Variants in TRPM7 observed in about 807,000 individuals in gnomAD.
The protein encoded by TRPM7 is transient receptor potential cation channel subfamily M member 7, also known as LTRPC ion channel family member 7.
Under a neutral mutation model 229.7 loss-of-function variants are expected in TRPM7, and 134 were observed. That is an observed-to-expected ratio of 0.58 (90% CI 0.51 to 0.67). The LOEUF (loss-of-function observed/expected upper bound fraction) is 0.67. Ranked by LOEUF, TRPM7 falls within the 30% of genes least tolerant of loss-of-function variation. TRPM7 has a pLI of 0.00. For synonymous variants in TRPM7, 699 were observed against 715.2 expected (o/e 0.98, Z 0.36); for missense variants, 1,901 against 2,210.0 (o/e 0.86, Z 2.80).
intron 22 of TRPM7, among the ~76,000 whole-genome samples, chr15:50,598,678 C>G (rs1324817723): frequency 6.6e-6 from 1 of 152,172 alleles, no homozygotes; most frequent in African/African-American, 2.4e-5. Flanking sequence ...AAGGGAATTT[C>G]TATGAAAGGG....
intron 29 of TRPM7, among the ~76,000 whole-genome samples, chr15:50,581,390 T>C (rs992802031): frequency 1.3e-5 from 2 of 151,902 alleles, no homozygotes; most frequent in South Asian, 2.1e-4. Flanking sequence ...TCCCAGCTAC[T>C]TGGGAGGCTG....
At chr15:50,664,040 G>A (rs562833297) in intron 1 of TRPM7, among the ~76,000 whole-genome samples, 93 of 152,136 alleles carry the variant, frequency 6.1e-4, no homozygotes, top group African/African-American at 2.2e-3. Flanking sequence ...TGGCTCACAC[G>A]TATAATCCCA....
In TRPM7 at chr15:50,594,591, C is replaced by A; in HGVS notation, c.3313G>T (p.Ala1105Ser). 6.2e-7 allele frequency: 1 copy of A among 1,601,246 alleles called. No individual in the cohort carries two copies. The highest frequency in any genetic ancestry group is 8.5e-7 in the Non-Finnish European group (1 of 1,175,414). Residue 1105 changes from alanine (A) to serine (S), a missense_variant, in exon 24 of 39, where the codon GCA becomes TCA. Ala to Ser is a moderately conservative substitution (Grantham distance 99, BLOSUM62 1). Transcript: ENST00000646667. ...TACTTCCATACAATATTGGAAATTG[C>A]CTTCACTTGTAAATACACATTGCTA... is the stretch of plus-strand genomic sequence containing the variant. ...FFNNVYLQVK[A>S]ISNIVWKYQR...
rs146947863 is a variant in TRPM7 at position 50,635,746 on chromosome 15, G to A, written c.833-1190C>T. On this transcript the variant is annotated intron_variant, in intron 7 of 38. Coordinates refer to ENST00000646667, the MANE Select transcript of TRPM7 (RefSeq NM_017672.6). ...TGTAATTGCAGTACTTCAGGAGGCC[G>A]AGGCCGGCGATCACGAGGTCAGGAG... Among the ~76,000 whole-genome samples the A allele has an allele frequency of 1.9e-3, 287 of 147,708 alleles. 2 individuals are homozygous for A. The highest frequency in any genetic ancestry group is 6.6e-3 in the African/African-American group (264 of 39,854).
At chr15:50,616,312 T>C (rs1244195784) in intron 13 of TRPM7, among the ~76,000 whole-genome samples, 6 of 152,200 alleles carry the variant, frequency 3.9e-5, no homozygotes, top group African/African-American at 1.4e-4. Flanking sequence ...GGCTTATTAT[T>C]ATAGCCACCG....
chr15:50,566,381 T>C (rs951698074), intron 38 of TRPM7, among the ~76,000 whole-genome samples: 1 of 152,162 alleles, frequency 6.6e-6, no homozygotes, highest in African/African-American at 2.4e-5. Context: ...GGGAAAATTA[T>C]AGCACTCAAT....
chr15:50,582,780 T>TGTCTTGTCA lies in TRPM7; in HGVS notation c.4557+308_4557+309insTGACAAGAC, dbSNP rs567821219. On this transcript the variant is annotated intron_variant, in intron 29 of 38. Transcript: ENST00000646667. ...TTTCCTGAGCTTTTTGTCTTGTCAG[T>TGTCTTGTCA]GTGTGCTTTTAAAGGGAATTTGCAA... Among the ~76,000 whole-genome samples the TGTCTTGTCA allele has an allele frequency of 7.7e-4, 118 of 152,300 alleles. 2 individuals carry two copies. In the East Asian group the frequency reaches 0.016, roughly 21 times the overall value.
Position 50,649,973 on chromosome 15 carries a change from T to C in TRPM7, c.123-1088A>G, listed in dbSNP as rs539640605. On this transcript the variant is annotated intron_variant, in intron 3 of 38. Transcript: ENST00000646667. Reference sequence around the variant, plus strand: ...ACTTTGGGAGGCCGAGACGGGCAGATTACCTGAGGTCAGGAGTTCGATACC... The same window carrying C: ...ACTTTGGGAGGCCGAGACGGGCAGACTACCTGAGGTCAGGAGTTCGATACC... 2.0e-5 allele frequency among the ~76,000 whole-genome samples: 3 copies of C among 152,076 alleles called. No homozygotes were observed. The East Asian group carries it at 5.8e-4, about 29-fold the overall frequency.
At chr15:50,588,999 G>A (rs2059412401) in intron 27 of TRPM7, among the ~76,000 whole-genome samples, 1 of 152,066 alleles carries the variant, frequency 6.6e-6, no homozygotes, top group Admixed American at 6.6e-5. Context: ...TTAATCAGTG[G>A]AAAACATATG....
intron 12 of TRPM7, among the ~76,000 whole-genome samples, chr15:50,620,778 C>T (rs1387428876): frequency 6.6e-6 from 1 of 151,678 alleles, no homozygotes. Context: ...TAAAAAAACA[C>T]AAAATTAGCC....
chr15:50,681,327 G>A (rs190877399), intron 1 of TRPM7, among the ~76,000 whole-genome samples: 20 of 150,646 alleles, frequency 1.3e-4, no homozygotes, highest in Admixed American at 5.9e-4. Context: ...GCTAAATGCC[G>A]ACACATTAGC....
intron 5 of TRPM7, among the ~76,000 whole-genome samples, chr15:50,640,230 T>G (rs1361016479): frequency 6.6e-6 from 1 of 152,086 alleles, no homozygotes; most frequent in African/African-American, 2.4e-5. Context: ...GAGAAAAGTA[T>G]AAAAGGCAGT....
chr15:50,582,500 T>C (rs2054470549), intron 29 of TRPM7: 1 of 152,226 alleles, frequency 6.6e-6, no homozygotes, highest in African/African-American at 2.4e-5. Flanking sequence ...GGTTAGGCTT[T>C]AATTTGTTGC....
At chr15:50,677,757 A>C (rs966070139) in intron 1 of TRPM7, among the ~76,000 whole-genome samples, 5 of 149,618 alleles carry the variant, frequency 3.3e-5, no homozygotes, top group African/African-American at 1.2e-4. Flanking sequence ...AAAAAAAAAA[A>C]AAACAAAAGG....
chr15:50,659,140 G>A (rs1346798100), intron 2 of TRPM7, among the ~76,000 whole-genome samples: 1 of 151,528 alleles, frequency 6.6e-6, no homozygotes, highest in African/African-American at 2.4e-5. Context: ...AGAGCTTGCA[G>A]TGAGACTACG....
intron 19 of TRPM7, among the ~76,000 whole-genome samples, chr15:50,608,859 G>GT (rs1189715252): frequency 2.0e-5 from 3 of 152,302 alleles, no homozygotes; most frequent in Non-Finnish European, 4.4e-5. Context: ...CTCATTTGCT[G>GT]TATCACCTGT....
chr15:50,634,881 A>G (rs1179464945), intron 7 of TRPM7, among the ~76,000 whole-genome samples: 2 of 152,152 alleles, frequency 1.3e-5, no homozygotes, highest in Admixed American at 6.5e-5. Context: ...TGTTTTCCAT[A>G]TTTTACTGAG....
intron 1 of TRPM7, among the ~76,000 whole-genome samples, chr15:50,665,620 C>T (rs1302995648): frequency 2.0e-5 from 3 of 152,080 alleles, no homozygotes; most frequent in African/African-American, 7.2e-5. Flanking sequence ...AGTGAAAATT[C>T]TATGCACTTG....
intron 22 of TRPM7, among the ~76,000 whole-genome samples, chr15:50,596,941 G>A (rs1297073119): frequency 1.3e-5 from 2 of 152,118 alleles, no homozygotes; most frequent in Non-Finnish European, 2.9e-5. Flanking sequence ...GTAGAGACCG[G>A]ATTTCATCAT....
Sources: allele counts gnomAD v4.1 joint callset (sites outside exome capture counted in the v4.1 genomes callset), GRCh38; gene constraint gnomAD v4.1.1; transcripts MANE v1.5; gene names NCBI Gene and HGNC (gene_info 2026-07-23, HGNC 2026-07-21).